The following GRM7 variants were observed in gnomAD, a reference collection of about 807,000 sequenced individuals.
The protein encoded by GRM7 is glutamate metabotropic receptor 7, also known as metabotropic glutamate receptor 7.
Under a neutral mutation model 84.5 loss-of-function variants are expected in GRM7, and 35 were observed. The ratio of observed to expected loss-of-function variants is 0.41; its 90% CI spans 0.32 to 0.55. The LOEUF is 0.55. Ranked by LOEUF, GRM7 falls within the 20% of genes least tolerant of loss-of-function variation. The pLI, the probability that GRM7 is intolerant of heterozygous loss-of-function variation, is 0.19. For synonymous variants in GRM7, 487 were observed against 455.1 expected, an observed-to-expected ratio of 1.07 and a Z score of -0.89; for missense variants, 1,003 against 1,194.6, an observed-to-expected ratio of 0.84 and a Z score of 2.36.
intron 1 of GRM7, among the ~76,000 whole-genome samples, chr3:7,001,553 A>G (rs1695014814): frequency 6.6e-6 from 1 of 152,208 alleles, no homozygotes; most frequent in Non-Finnish European, 1.5e-5. Flanking sequence ...CCACATATGA[A>G]GAACAGCTTG....
chr3:6,934,230 C>T (rs1697607191), intron 1 of GRM7, among the ~76,000 whole-genome samples: 1 of 152,132 alleles, frequency 6.6e-6, no homozygotes, highest in African/African-American at 2.4e-5. Context: ...CAGAAAATCT[C>T]CCTTGAATGA....
chr3:7,259,466 T>G (rs1486884784), intron 2 of GRM7, among the ~76,000 whole-genome samples: 1 of 152,246 alleles, frequency 6.6e-6, no homozygotes, highest in East Asian at 1.9e-4. Flanking sequence ...TAGGTCCCAG[T>G]GTCTGTTGTC....
chr3:7,057,828 C>T (rs1187179612), intron 1 of GRM7, among the ~76,000 whole-genome samples: 1 of 151,924 alleles, frequency 6.6e-6, no homozygotes, highest in African/African-American at 2.4e-5. Context: ...CTAGTGCACA[C>T]TCTATCTCTA....
intron 2 of GRM7, among the ~76,000 whole-genome samples, chr3:7,262,814 C>G (rs1370298916): frequency 6.6e-6 from 1 of 152,242 alleles, no homozygotes; most frequent in Non-Finnish European, 1.5e-5. Flanking sequence ...TGTGCTGCCT[C>G]AGCCTCCTGA....
chr3:7,626,779 T>C (rs1417198911), intron 8 of GRM7, among the ~76,000 whole-genome samples: 1 of 152,182 alleles, frequency 6.6e-6, no homozygotes, highest in Non-Finnish European at 1.5e-5. Flanking sequence ...GGTCACATTC[T>C]GTAGCACAAG....
chr3:7,337,474 A>T (rs1199076679), intron 4 of GRM7, among the ~76,000 whole-genome samples: 2 of 152,084 alleles, frequency 1.3e-5, no homozygotes, highest in African/African-American at 4.8e-5. Context: ...GAGTAAACAG[A>T]CACCCCACAG....
chr3:7,644,917 C>CT (rs1227618880), intron 8 of GRM7, among the ~76,000 whole-genome samples: 2 of 152,128 alleles, frequency 1.3e-5, no homozygotes, highest in Non-Finnish European at 2.9e-5. Flanking sequence ...TGGAGCCTCC[C>CT]TGCCCATCAG....
At chr3:7,587,378 C>T (rs1191247001) in intron 8 of GRM7, among the ~76,000 whole-genome samples, 1 of 152,150 alleles carries the variant, frequency 6.6e-6, no homozygotes, top group Non-Finnish European at 1.5e-5. Context: ...TAACTTTATT[C>T]TTCTACCCTA....
intron 8 of GRM7, among the ~76,000 whole-genome samples, chr3:7,679,789 G>A (rs1026802995): frequency 2.0e-5 from 3 of 152,122 alleles, no homozygotes; most frequent in Admixed American, 6.5e-5. Context: ...TATGATTAAA[G>A]GTTTACTCTG....
intron 1 of GRM7, among the ~76,000 whole-genome samples, chr3:7,069,908 C>G (rs528559431): frequency 5.3e-5 from 8 of 152,192 alleles, no homozygotes; most frequent in African/African-American, 1.9e-4. Flanking sequence ...TCATCCCAGT[C>G]AAATGATTCA....
intron 5 of GRM7, among the ~76,000 whole-genome samples, chr3:7,439,904 C>T (rs1278453873): frequency 6.6e-6 from 1 of 151,374 alleles, no homozygotes; most frequent in Non-Finnish European, 1.5e-5. Flanking sequence ...GCTATTACTT[C>T]TGCTTAATAG....
At chr3:7,658,726 G>T (rs1295197744) in intron 8 of GRM7, among the ~76,000 whole-genome samples, 3 of 152,150 alleles carry the variant, frequency 2.0e-5, no homozygotes, top group African/African-American at 7.2e-5. Flanking sequence ...ATAGTCCACA[G>T]AATGTCAAAC....
At chr3:6,929,908 TCTC>T (rs1697440025) in intron 1 of GRM7, among the ~76,000 whole-genome samples, 1 of 152,074 alleles carries the variant, frequency 6.6e-6, no homozygotes, top group Non-Finnish European at 1.5e-5. Flanking sequence ...GAACAACGCT[TCTC>T]CTCCGGAGAT....
At chr3:7,129,987 C>T (rs867004374) in intron 1 of GRM7, among the ~76,000 whole-genome samples, 10 of 152,278 alleles carry the variant, frequency 6.6e-5, no homozygotes, top group Middle Eastern at 3.4e-3. Context: ...CATCACTACA[C>T]GACCTAGTCA....
intron 2 of GRM7, among the ~76,000 whole-genome samples, chr3:7,261,020 G>C (rs528343380): frequency 6.6e-6 from 1 of 152,082 alleles, no homozygotes; most frequent in Non-Finnish European, 1.5e-5. Context: ...CTGCTAGGGG[G>C]GTGCCAGTCT....
At chr3:7,703,884 T>C (rs891638050) in intron 9 of GRM7, among the ~76,000 whole-genome samples, 4 of 152,146 alleles carry the variant, frequency 2.6e-5, no homozygotes, top group African/African-American at 4.8e-5. Context: ...TCAAAAATGA[T>C]TACCTATAAG....
chr3:6,917,163 G>A (rs181598583), intron 1 of GRM7, among the ~76,000 whole-genome samples: 77 of 152,154 alleles, frequency 5.1e-4, no homozygotes, highest in African/African-American at 1.5e-3. Context: ...TTATAGATTT[G>A]GGTGAGAATT....
chr3:6,985,443 G>A (rs74534895), intron 1 of GRM7, among the ~76,000 whole-genome samples: 2,105 of 152,168 alleles, frequency 0.014, 53 homozygotes, highest in African/African-American at 0.049. Flanking sequence ...ACAAATATGT[G>A]AGAACATGTG....
intron 7 of GRM7, among the ~76,000 whole-genome samples, chr3:7,466,710 A>G (rs1013587178): frequency 2.0e-5 from 3 of 152,242 alleles, no homozygotes; most frequent in Admixed American, 6.5e-5. Flanking sequence ...ATATTCTCTT[A>G]AATAGAAGAC....
Sources: gnomAD v4.1 joint callset for allele counts (sites outside exome capture counted in the v4.1 genomes callset) on GRCh38, gnomAD v4.1.1 for gene constraint, MANE v1.5 for transcripts, NCBI Gene and HGNC (gene_info 2026-07-23, HGNC 2026-07-21) for gene names.